The following MCPH1 variants were observed in gnomAD, a reference collection of about 807,000 sequenced individuals.
MCPH1 encodes the protein microcephalin.
Under a neutral mutation model 84.5 loss-of-function variants are expected in MCPH1, and 104 were observed. The observed-to-expected ratio is 1.23, with a 90% confidence interval of 1.05 to 1.45. The LOEUF is 1.45. MCPH1 is among the 40% of genes most tolerant of loss of function. The pLI is 0.00. For synonymous variants in MCPH1, 514 were observed against 366.8 expected (o/e 1.40, Z -4.58); for missense variants, 1,498 against 1,005.7 (o/e 1.49, Z -6.62).
chr8:6,411,961 C>G (rs180975581), intron 2 of MCPH1, among the ~76,000 whole-genome samples: 63 of 152,144 alleles, frequency 4.1e-4, no homozygotes, highest in African/African-American at 1.4e-3. Context: ...GACTGATAGG[C>G]TGAGTGAAAG....
At chr8:6,507,775 G>A (rs1814076479) in intron 12 of MCPH1, 1 of 151,806 alleles carries the variant, frequency 6.6e-6, no homozygotes, top group Non-Finnish European at 1.5e-5. Flanking sequence ...TAGAGATGGG[G>A]TTTCAACATG....
chr8:6,491,514 G>A (rs1318438008), intron 11 of MCPH1, among the ~76,000 whole-genome samples: 3 of 148,560 alleles, frequency 2.0e-5, no homozygotes, highest in African/African-American at 5.0e-5. Flanking sequence ...TAGGGTACAT[G>A]TGCACAACAT....
intron 12 of MCPH1, among the ~76,000 whole-genome samples, chr8:6,511,010 C>G (rs1171411393): frequency 6.6e-6 from 1 of 152,224 alleles, no homozygotes; most frequent in East Asian, 1.9e-4. Flanking sequence ...CCATTGTCTT[C>G]CCATTAATCA....
At chr8:6,488,483 G>A (rs1203981230) in intron 11 of MCPH1, among the ~76,000 whole-genome samples, 1 of 152,200 alleles carries the variant, frequency 6.6e-6, no homozygotes, top group Non-Finnish European at 1.5e-5. Context: ...ACCCTGAGAT[G>A]CAACCACAGG....
chr8:6,497,650 A>G lies in MCPH1; in HGVS notation c.2137-2202A>G, dbSNP rs191727012. 2.5e-3 allele frequency among the ~76,000 whole-genome samples: 375 copies of G among 152,310 alleles called. 2 individuals are homozygous for G. The highest frequency in any genetic ancestry group is 8.6e-3 in the African/African-American group (358 of 41,570). Reference sequence around the variant, plus strand: ...GGTGATAATGATGTGTGAACACGGGATGACTGGGTACAACACATGTAGCAC... The same window carrying G: ...GGTGATAATGATGTGTGAACACGGGGTGACTGGGTACAACACATGTAGCAC... On this transcript the variant is annotated intron_variant, in intron 11 of 13. Coordinates refer to ENST00000344683, the MANE Select transcript of MCPH1 (RefSeq NM_024596.5).
chr8:6,630,794 CA>C (rs11313780), intron 13 of MCPH1, among the ~76,000 whole-genome samples: 18,228 of 129,302 alleles, frequency 0.14, 1,436 homozygotes, highest in East Asian at 0.36. Context: ...AAAAAAAAAA[CA>C]AAAAAAAAAA....
At chr8:6,438,780 G>C (rs544220875) in intron 5 of MCPH1, among the ~76,000 whole-genome samples, 173 bp from the exon 6 acceptor site, 55 of 152,334 alleles carry the variant, frequency 3.6e-4, no homozygotes, top group African/African-American at 1.3e-3. Flanking sequence ...AGCTGTAGCA[G>C]CAACATCACT....
chr8:6,593,417 C>G (rs2959785), intron 12 of MCPH1, among the ~76,000 whole-genome samples: 1 of 151,446 alleles, frequency 6.6e-6, no homozygotes, highest in East Asian at 1.9e-4. Context: ...TGCAATGGCG[C>G]GATCTTGGCT....
At chr8:6,544,663 C>T (rs182634521) in intron 12 of MCPH1, among the ~76,000 whole-genome samples, 21 of 152,076 alleles carry the variant, frequency 1.4e-4, no homozygotes, top group African/African-American at 4.1e-4. Flanking sequence ...TATTTTATTT[C>T]TATAGGATTC....
At chr8:6,495,898 G>T (rs1811169980) in intron 11 of MCPH1, among the ~76,000 whole-genome samples, 2 of 152,192 alleles carry the variant, frequency 1.3e-5, no homozygotes. Context: ...CTAACTATCA[G>T]ATTTGATTTT....
intron 7 of MCPH1, 94 bp from the exon 8 acceptor site, chr8:6,444,299 G>A: frequency 2.1e-6 from 3 of 1,421,690 alleles, no homozygotes; most frequent in Non-Finnish European, 2.0e-6. Context: ...ACTAATAGCT[G>A]TACTTTAAAA....
At chr8:6,562,710 G>C (rs368354854) in intron 12 of MCPH1, 2 of 1,613,148 alleles carry the variant, frequency 1.2e-6, no homozygotes, top group African/African-American at 2.7e-5. Flanking sequence ...TCTGCACCGA[G>C]TCATCGTATT....
intron 12 of MCPH1, among the ~76,000 whole-genome samples, chr8:6,556,543 G>C (rs1258839330): frequency 6.6e-6 from 1 of 152,066 alleles, no homozygotes; most frequent in African/African-American, 2.4e-5. Context: ...GCACATACTA[G>C]CTGCTGCTAC....
At chr8:6,628,469 C>CAAAAAAAAAAA (rs34188003) in intron 13 of MCPH1, among the ~76,000 whole-genome samples, 3 of 41,590 alleles carry the variant, frequency 7.2e-5, no homozygotes, top group Non-Finnish European at 1.5e-4. Flanking sequence ...GACTCTGTCT[C>CAAAAAAAAAAA]AAAAAAAAAA....
At chr8:6,407,724 G>C (rs906732235) in intron 1 of MCPH1, among the ~76,000 whole-genome samples, 1 of 152,048 alleles carries the variant, frequency 6.6e-6, no homozygotes, top group African/African-American at 2.4e-5. Flanking sequence ...ATTGACCAAC[G>C]GCACACCTGG....
At chr8:6,542,340 G>A (rs573642851) in intron 12 of MCPH1, among the ~76,000 whole-genome samples, 26 of 152,092 alleles carry the variant, frequency 1.7e-4, no homozygotes, top group African/African-American at 6.3e-4. Flanking sequence ...GTATGTGTGT[G>A]TGTTTCAGTT....
intron 12 of MCPH1, among the ~76,000 whole-genome samples, chr8:6,589,456 C>A (rs930614884): frequency 5.5e-4 from 83 of 152,264 alleles, no homozygotes; most frequent in African/African-American, 1.9e-3. Flanking sequence ...ACCAGAAATT[C>A]CAGGCTTTCT....
At chr8:6,471,927 A>G (rs575014392) in intron 9 of MCPH1, among the ~76,000 whole-genome samples, 44 of 152,350 alleles carry the variant, frequency 2.9e-4, no homozygotes, top group African/African-American at 9.1e-4. Context: ...TTAAATGGCT[A>G]TGGTTCTCGT....
rs117800621 is a variant in MCPH1 at position 6,555,652 on chromosome 8, G to A, written c.2214+55723G>A. ...GATTTTTATATTTTTTGGTAGAGAC[G>A]GGGTTTCATCGTGTTGGCCAGGCTG... On this transcript the variant is annotated intron_variant, in intron 12 of 13. Transcript: ENST00000344683. 9.3e-3 allele frequency among the ~76,000 whole-genome samples: 1,420 copies of A among 151,978 alleles called. 9 individuals carry two copies. Among genetic ancestry groups the A allele is most frequent in the Non-Finnish European group, 0.015 (1,036 of 67,946 alleles).
Sources: allele counts gnomAD v4.1 joint callset (sites outside exome capture counted in the v4.1 genomes callset), GRCh38; gene constraint gnomAD v4.1.1; transcripts MANE v1.5; gene names NCBI Gene and HGNC (gene_info 2026-07-23, HGNC 2026-07-21).